EYS: variants seen among roughly 807,000 people sequenced by gnomAD.
EYS encodes the protein EGF-like photoreceptor maintenance factor, also known as protein eyes shut homolog.
EYS carries 250 observed loss-of-function variants against 282.1 expected under a neutral mutation model. The observed-to-expected ratio is 0.89, with a 90% confidence interval of 0.80 to 0.98. The LOEUF (loss-of-function observed/expected upper bound fraction) is 0.98. Ranked by LOEUF, EYS falls within the 50% of genes least tolerant of loss-of-function variation. The pLI is 0.00. For synonymous variants in EYS, 1,355 were observed against 1,282.9 expected, an observed-to-expected ratio of 1.06 and a Z score of -1.20; for missense variants, 4,016 against 3,709.0, an observed-to-expected ratio of 1.08 and a Z score of -2.15.
intron 1 of EYS, among the ~76,000 whole-genome samples, chr6:65,687,754 G>C (rs1405377263): frequency 6.6e-6 from 1 of 152,088 alleles, no homozygotes; most frequent in Non-Finnish European, 1.5e-5. Flanking sequence ...CAAAATCAAT[G>C]TGCAAAAATC....
chr6:65,337,388 A>G (rs868168267), intron 10 of EYS, among the ~76,000 whole-genome samples: 7 of 151,458 alleles, frequency 4.6e-5, no homozygotes, highest in Non-Finnish European at 1.0e-4. Flanking sequence ...TTCTACATCC[A>G]GAGGATATTA....
intron 29 of EYS, among the ~76,000 whole-genome samples, chr6:64,324,177 A>G (rs1770322792): frequency 6.6e-6 from 1 of 152,172 alleles, no homozygotes. Flanking sequence ...AAGACACGAC[A>G]AAGAATGGAA....
intron 13 of EYS, 140 bp downstream of exon 13, chr6:65,057,474 T>C: frequency 1.5e-6 from 1 of 670,240 alleles, no homozygotes; most frequent in Admixed American, 2.8e-5. Context: ...GAATAATTGG[T>C]TGGTCACTTT....
intron 12 of EYS, among the ~76,000 whole-genome samples, chr6:65,148,056 AT>A (rs1168974610): frequency 6.6e-6 from 1 of 152,018 alleles, no homozygotes; most frequent in Non-Finnish European, 1.5e-5. Flanking sequence ...TCAAGATGAG[AT>A]TCGGGTGAGC....
intron 33 of EYS, among the ~76,000 whole-genome samples, chr6:64,050,226 T>C (rs958545699): frequency 1.1e-4 from 17 of 152,152 alleles, no homozygotes; most frequent in African/African-American, 4.1e-4. Flanking sequence ...TCTCTGATCA[T>C]CCCCTCTTTG....
At chr6:65,505,945 C>A (rs149778998) in intron 2 of EYS, among the ~76,000 whole-genome samples, 90 of 152,190 alleles carry the variant, frequency 5.9e-4, no homozygotes, top group South Asian at 4.1e-4. Context: ...GAGGTTTCTG[C>A]CTGCTTGGCT....
At chr6:64,624,737 T>C (rs780602038) in intron 23 of EYS, among the ~76,000 whole-genome samples, 1 of 152,196 alleles carries the variant, frequency 6.6e-6, no homozygotes, top group Non-Finnish European at 1.5e-5. Flanking sequence ...TTTGTATGAC[T>C]TCACATAAAT....
intron 14 of EYS, among the ~76,000 whole-genome samples, chr6:64,957,772 T>C (rs1583330958): frequency 1.3e-5 from 2 of 152,172 alleles, no homozygotes; most frequent in African/African-American, 4.8e-5. Flanking sequence ...GCAACCTCCT[T>C]CATCAAAAAA....
intron 33 of EYS, among the ~76,000 whole-genome samples, chr6:64,024,487 G>C (rs1332270695): frequency 1.3e-5 from 2 of 152,078 alleles, no homozygotes; most frequent in Non-Finnish European, 2.9e-5. Flanking sequence ...TGTGGGTGGG[G>C]CCAGATAAGG....
chr6:64,560,354 T>G (rs1424154307), intron 26 of EYS, among the ~76,000 whole-genome samples: 1 of 152,084 alleles, frequency 6.6e-6, no homozygotes, highest in Non-Finnish European at 1.5e-5. Context: ...TATATTGGCC[T>G]TATTTTCTTT....
chr6:64,237,773 T>C (rs140533421), intron 30 of EYS, among the ~76,000 whole-genome samples: 2 of 152,130 alleles, frequency 1.3e-5, no homozygotes, highest in African/African-American at 4.8e-5. Flanking sequence ...TAATTAATCA[T>C]TGCAAATTTT....
chr6:64,536,037 A>G (rs887802490), intron 26 of EYS, among the ~76,000 whole-genome samples: 1 of 152,026 alleles, frequency 6.6e-6, no homozygotes, highest in Admixed American at 6.6e-5. Flanking sequence ...GAATTTTTAA[A>G]AAGTTTGTTT....
intron 35 of EYS, among the ~76,000 whole-genome samples, chr6:63,898,577 A>T (rs1773590432): frequency 6.6e-6 from 1 of 152,012 alleles, no homozygotes; most frequent in Non-Finnish European, 1.5e-5. Context: ...ATTCTTTTAA[A>T]GATATAATTT....
chr6:64,357,298 A>T (rs1771855252), intron 29 of EYS, among the ~76,000 whole-genome samples: 1 of 146,484 alleles, frequency 6.8e-6, no homozygotes, highest in African/African-American at 2.5e-5. Context: ...GTAAACAATA[A>T]CAACAACTGT....
intron 12 of EYS, among the ~76,000 whole-genome samples, chr6:65,063,216 G>A (rs1773631113): frequency 6.6e-6 from 1 of 151,814 alleles, no homozygotes; most frequent in South Asian, 2.1e-4. Flanking sequence ...CAATATTTAT[G>A]AATATCATTA....
chr6:65,614,630 C>A (rs547776770), intron 2 of EYS, among the ~76,000 whole-genome samples: 2 of 152,012 alleles, frequency 1.3e-5, no homozygotes, highest in Non-Finnish European at 2.9e-5. Flanking sequence ...TAAAATGGAT[C>A]TACATAGGTT....
intron 26 of EYS, among the ~76,000 whole-genome samples, chr6:64,552,742 C>CG (rs528617664): frequency 1.3e-3 from 198 of 149,836 alleles, no homozygotes; most frequent in African/African-American, 4.7e-3. Flanking sequence ...GTGAACCCCC[C>CG]CCACCATCTC....
intron 5 of EYS, among the ~76,000 whole-genome samples, chr6:65,421,317 G>A (rs1471645511): frequency 6.6e-6 from 1 of 151,644 alleles, no homozygotes; most frequent in East Asian, 1.9e-4. Flanking sequence ...TAAATTTCAT[G>A]AGTCTATCTC....
chr6:65,684,690 G>A (rs543264301), intron 1 of EYS, among the ~76,000 whole-genome samples: 11 of 152,030 alleles, frequency 7.2e-5, no homozygotes, highest in Non-Finnish European at 1.6e-4. Flanking sequence ...TTAAACATGT[G>A]TCCTTTTTTT....
Sources: gnomAD v4.1 joint callset for allele counts (sites outside exome capture counted in the v4.1 genomes callset) on GRCh38, gnomAD v4.1.1 for gene constraint, MANE v1.5 for transcripts, NCBI Gene and HGNC (gene_info 2026-07-23, HGNC 2026-07-21) for gene names.